TPP2: variants seen among roughly 807,000 people sequenced by gnomAD.
TPP2 encodes tripeptidyl peptidase 2, also known as tripeptidyl-peptidase 2.
Under a neutral mutation model 155.9 loss-of-function variants are expected in TPP2, and 34 were observed. The observed-to-expected ratio is 0.22, with a 90% CI of 0.17 to 0.29. The LOEUF is 0.29. TPP2 is among the 10% of genes least tolerant of loss of function. The probability of loss-of-function intolerance (pLI) is 1.00; values close to 1 mark genes in which losing one functional copy is unlikely to be tolerated. For missense variants in TPP2, 1,028 were observed against 1,522.3 expected (o/e 0.68, Z 5.40); for synonymous variants, 510 against 529.4 (o/e 0.96, Z 0.50).
At chr13:102,666,940 T>A (rs2139599751) in intron 27 of TPP2, among the ~76,000 whole-genome samples, 1 of 152,270 alleles carries the variant, frequency 6.6e-6, no homozygotes, top group South Asian at 2.1e-4. Flanking sequence ...TCAACTTGTT[T>A]ATCCTTGTAA....
At chr13:102,636,172 A>G (rs1026498623) in intron 12 of TPP2, 52 bp from the exon 13 acceptor site, 17 of 1,500,952 alleles carry the variant, frequency 1.1e-5, no homozygotes, top group African/African-American at 2.8e-5. Flanking sequence ...TTGCAACAAA[A>G]TATTTTTTGA....
chr13:102,674,736 G>A (rs752679135), intron 28 of TPP2, among the ~76,000 whole-genome samples: 3 of 152,186 alleles, frequency 2.0e-5, no homozygotes, highest in Non-Finnish European at 4.4e-5. Context: ...AATATGTGTA[G>A]TAGGCTTTTA....
intron 1 of TPP2, among the ~76,000 whole-genome samples, 174 bp from the exon 2 acceptor site, chr13:102,604,619 C>T (rs1407417797): frequency 2.6e-5 from 4 of 152,076 alleles, no homozygotes; most frequent in Non-Finnish European, 1.5e-5. Flanking sequence ...AGTGTTTCCA[C>T]GATTAAATTT....
chr13:102,655,102 A>G (rs1436556025), intron 24 of TPP2: 2 of 460,554 alleles, frequency 4.3e-6, no homozygotes, highest in Non-Finnish European at 8.7e-6. Context: ...TCTGACATCA[A>G]AGTGGTTTTC....
intron 1 of TPP2, among the ~76,000 whole-genome samples, chr13:102,601,857 T>G (rs1879454856): frequency 6.6e-6 from 1 of 152,224 alleles, no homozygotes; most frequent in East Asian, 1.9e-4. Flanking sequence ...AAGAAATTCA[T>G]GGATAGGATA....
chr13:102,671,708 T>A (rs1884995542), intron 27 of TPP2, among the ~76,000 whole-genome samples: 1 of 152,146 alleles, frequency 6.6e-6, no homozygotes, highest in African/African-American at 2.4e-5. Context: ...TGTAGCATAT[T>A]CCTTGTCTTT....
intron 27 of TPP2, among the ~76,000 whole-genome samples, chr13:102,668,121 A>C (rs933877007): frequency 1.3e-5 from 2 of 152,182 alleles, no homozygotes; most frequent in Admixed American, 6.6e-5. Flanking sequence ...GTCTAGCGCA[A>C]ATGATCAAAG....
At chr13:102,598,871 A>G (rs1184522342) in intron 1 of TPP2, among the ~76,000 whole-genome samples, 1 of 152,230 alleles carries the variant, frequency 6.6e-6, no homozygotes, top group African/African-American at 2.4e-5. Context: ...GGACTGGCTA[A>G]TTACATGTGA....
intron 1 of TPP2, among the ~76,000 whole-genome samples, chr13:102,599,073 G>C: frequency 6.6e-6 from 1 of 152,180 alleles, no homozygotes; most frequent in East Asian, 1.9e-4. Context: ...GTGGTACCCA[G>C]TAGGTAGTGT....
At chr13:102,652,117 T>G (rs956553361) in intron 24 of TPP2, among the ~76,000 whole-genome samples, 1 of 152,180 alleles carries the variant, frequency 6.6e-6, no homozygotes, top group African/African-American at 2.4e-5. Context: ...GACTCATGCC[T>G]GTAATCCCGG....
At chr13:102,599,403 A>G (rs1347059410) in intron 1 of TPP2, among the ~76,000 whole-genome samples, 5 of 152,056 alleles carry the variant, frequency 3.3e-5, no homozygotes, top group Non-Finnish European at 7.4e-5. Context: ...TTTTTCCTGT[A>G]CCTTTAACAG....
At chr13:102,633,672 C>T in intron 10 of TPP2, among the ~76,000 whole-genome samples, 1 of 152,128 alleles carries the variant, frequency 6.6e-6, no homozygotes, top group Non-Finnish European at 1.5e-5. Context: ...TCTAAATATA[C>T]CTGACACTGT....
At chr13:102,662,524 T>C (rs971707523) in intron 25 of TPP2, among the ~76,000 whole-genome samples, 1 of 152,180 alleles carries the variant, frequency 6.6e-6, no homozygotes, top group Non-Finnish European at 1.5e-5. Context: ...AAAAAAAAAT[T>C]TATAATTAAG....
chr13:102,611,504 C>G, intron 2 of TPP2, among the ~76,000 whole-genome samples: 1 of 152,024 alleles, frequency 6.6e-6, no homozygotes, highest in East Asian at 1.9e-4. Context: ...GTCGAAACCC[C>G]CTCTCTGCTA....
intron 27 of TPP2, among the ~76,000 whole-genome samples, chr13:102,665,771 A>G (rs626803): frequency 0.5 from 75,424 of 152,046 alleles, 19,110 homozygotes; most frequent in African/African-American, 0.6. Flanking sequence ...TATTCAGGCT[A>G]CCTGAAAATA....
intron 25 of TPP2, among the ~76,000 whole-genome samples, chr13:102,661,937 AAAAT>A (rs1884256024): frequency 6.6e-6 from 1 of 152,226 alleles, no homozygotes; most frequent in East Asian, 1.9e-4. Context: ...ATACCCAAGA[AAAAT>A]AAAAACCTAT....
chr13:102,649,908 G>A (rs1395380377), intron 23 of TPP2, among the ~76,000 whole-genome samples: 2 of 151,998 alleles, frequency 1.3e-5, no homozygotes, highest in Non-Finnish European at 1.5e-5. Flanking sequence ...GATTATCTTG[G>A]GGTGCTTTTA....
intron 2 of TPP2, among the ~76,000 whole-genome samples, chr13:102,608,388 A>G (rs1555296735): frequency 6.6e-6 from 1 of 150,868 alleles, no homozygotes; most frequent in South Asian, 2.1e-4. Flanking sequence ...TTTTTTTTGC[A>G]TTTTCTCTTA....
chr13:102,645,072 C>A, intron 19 of TPP2, 63 bp downstream of exon 19: 2 of 1,443,810 alleles, frequency 1.4e-6, no homozygotes, highest in Non-Finnish European at 1.9e-6. Flanking sequence ...CTCTTACACT[C>A]TTAAAAAAGG....
Sources: allele counts gnomAD v4.1 joint callset (sites outside exome capture counted in the v4.1 genomes callset), GRCh38; gene constraint gnomAD v4.1.1; transcripts MANE v1.5; gene names NCBI Gene and HGNC (gene_info 2026-07-23, HGNC 2026-07-21).